LINGO2: variants seen among roughly 807,000 people sequenced by gnomAD.
LINGO2 encodes the protein leucine rich repeat and Ig domain containing 2.
In LINGO2, 14 loss-of-function variants were observed where a neutral mutation model predicts 30.6. That is an observed-to-expected ratio of 0.46 (90% CI 0.30 to 0.72). The LOEUF is 0.72. Ranked by LOEUF, LINGO2 falls within the 30% of genes least tolerant of loss-of-function variation. The pLI, the probability that LINGO2 is intolerant of heterozygous loss-of-function variation, is 0.07. For synonymous variants in LINGO2, 317 were observed against 288.5 expected (o/e 1.10, Z -1.00); for missense variants, 729 against 751.7 (o/e 0.97, Z 0.35).
At chr9:28,686,790 C>G in the LINGO2 span, among the ~76,000 whole-genome samples, 2 of 152,028 alleles carry the variant, frequency 1.3e-5, no homozygotes, top group East Asian at 3.8e-4. Context: ...CTCTTGTTTC[C>G]TTGGCTTAAA....
chr9:28,499,858 A>G (rs1237032687), intron 1 of LINGO2, among the ~76,000 whole-genome samples: 2 of 152,164 alleles, frequency 1.3e-5, no homozygotes, highest in Admixed American at 6.6e-5. Context: ...AGAATAGTAG[A>G]TAAGTTTCTA....
chr9:28,179,036 A>G lies in LINGO2; in HGVS notation c.-87+116172T>C, dbSNP rs139267650. ...TAATATAGTTTTTGCAGACCTAATA[A>G]AATGTACAAAAGTGAATTGAACCGC... On this transcript the variant is annotated intron_variant, in intron 4 of 5. Coordinates refer to ENST00000379992, the Ensembl canonical transcript of LINGO2. Among the ~76,000 whole-genome samples the G allele has an allele frequency of 6.2e-4, 94 of 152,160 alleles. 1 individual carries two copies. The East Asian group carries it at 0.014, about 23-fold the overall frequency.
upstream of LINGO2, among the ~76,000 whole-genome samples, chr9:28,674,904 G>A (rs1360574883): frequency 6.6e-6 from 1 of 151,742 alleles, no homozygotes; most frequent in African/African-American, 2.4e-5. Context: ...ATATTTTGGA[G>A]AGTGTAGAAT....
chr9:27,999,740 C>T (rs1175638754), intron 5 of LINGO2, among the ~76,000 whole-genome samples: 2 of 152,084 alleles, frequency 1.3e-5, no homozygotes, highest in Non-Finnish European at 2.9e-5. Context: ...CAAAGGACTT[C>T]TATAGATTAG....
intron 5 of LINGO2, among the ~76,000 whole-genome samples, chr9:27,992,094 G>T (rs1821426016): frequency 6.6e-6 from 1 of 152,014 alleles, no homozygotes; most frequent in African/African-American, 2.4e-5. Context: ...AATGACAAAG[G>T]TGTTAATGAC....
At chr9:28,187,571 T>C (rs1277980263) in intron 4 of LINGO2, among the ~76,000 whole-genome samples, 2 of 151,658 alleles carry the variant, frequency 1.3e-5, no homozygotes, top group Non-Finnish European at 2.9e-5. Flanking sequence ...AGAATTGTCA[T>C]CAATGAAGAA....
At chr9:28,209,008 G>A (rs1421324837) in intron 4 of LINGO2, among the ~76,000 whole-genome samples, 1 of 151,984 alleles carries the variant, frequency 6.6e-6, no homozygotes, top group East Asian at 1.9e-4. Context: ...GCAGGAGAGA[G>A]TAGAGATAAA....
intron 1 of LINGO2, among the ~76,000 whole-genome samples, chr9:28,561,328 A>C (rs1823045823): frequency 6.6e-6 from 1 of 151,804 alleles, no homozygotes; most frequent in Non-Finnish European, 1.5e-5. Flanking sequence ...TTTTCAAAGA[A>C]ACAGCTCTGG....
chr9:28,086,171 AT>A (rs1825907917), intron 4 of LINGO2, among the ~76,000 whole-genome samples: 2 of 152,052 alleles, frequency 1.3e-5, no homozygotes, highest in African/African-American at 2.4e-5. Flanking sequence ...ACAAGCATAT[AT>A]TGTCTCTTGC....
chr9:28,584,344 A>C (rs772696014), intron 1 of LINGO2, among the ~76,000 whole-genome samples: 1 of 152,122 alleles, frequency 6.6e-6, no homozygotes, highest in Admixed American at 6.6e-5. Context: ...AGAGCATCTC[A>C]TTTTATTTGA....
intron 1 of LINGO2, among the ~76,000 whole-genome samples, chr9:28,625,927 T>A (rs1305118794): frequency 1.3e-5 from 2 of 152,144 alleles, no homozygotes; most frequent in African/African-American, 4.8e-5. Context: ...ACATACACTT[T>A]GAGTTTTCTT....
At chr9:29,019,229 G>T in the LINGO2 span, among the ~76,000 whole-genome samples, 1 of 152,260 alleles carries the variant, frequency 6.6e-6, no homozygotes, top group African/African-American at 2.4e-5. Flanking sequence ...CCACTGAAAT[G>T]ACACATGGTG....
At chr9:29,012,720 A>G in the LINGO2 span, among the ~76,000 whole-genome samples, 1 of 152,156 alleles carries the variant, frequency 6.6e-6, no homozygotes. Context: ...TTGGGGCTGC[A>G]ATTTTACATA....
the LINGO2 span, among the ~76,000 whole-genome samples, chr9:29,159,272 A>C: frequency 1.3e-5 from 2 of 152,232 alleles, no homozygotes; most frequent in African/African-American, 4.8e-5. Flanking sequence ...CTCTCCCATA[A>C]ACTCTACAAT....
chr9:29,035,503 C>A, the LINGO2 span, among the ~76,000 whole-genome samples: 1 of 150,174 alleles, frequency 6.7e-6, no homozygotes, highest in Non-Finnish European at 1.5e-5. Context: ...AAGCTGACAT[C>A]TTTGCAGGTA....
chr9:28,396,922 A>G (rs756302289), intron 2 of LINGO2, among the ~76,000 whole-genome samples: 4 of 152,076 alleles, frequency 2.6e-5, no homozygotes, highest in Non-Finnish European at 4.4e-5. Flanking sequence ...GATTTACTCT[A>G]TGTCTGATAG....
At chr9:28,635,472 G>A (rs1411577912) in intron 1 of LINGO2, among the ~76,000 whole-genome samples, 1 of 152,094 alleles carries the variant, frequency 6.6e-6, no homozygotes, top group Admixed American at 6.6e-5. Flanking sequence ...AGTGTAGAGA[G>A]TATTCAGAGA....
At chr9:28,056,573 C>T (rs550309234) in intron 4 of LINGO2, among the ~76,000 whole-genome samples, 6 of 152,096 alleles carry the variant, frequency 3.9e-5, no homozygotes, top group Non-Finnish European at 5.9e-5. Flanking sequence ...AATACAGCAC[C>T]CTACACAGTG....
the LINGO2 span, among the ~76,000 whole-genome samples, chr9:28,704,887 G>A: frequency 6.6e-5 from 10 of 151,712 alleles, no homozygotes; most frequent in South Asian, 2.1e-4. Context: ...TTCCAAATTC[G>A]TGCCACATTT....
Sources: gnomAD v4.1 joint callset for allele counts (sites outside exome capture counted in the v4.1 genomes callset) on GRCh38, gnomAD v4.1.1 for gene constraint, MANE v1.5 for transcripts, NCBI Gene and HGNC (gene_info 2026-07-23, HGNC 2026-07-21) for gene names.